SGPP2: variants seen among roughly 807,000 people sequenced by gnomAD.
The protein encoded by SGPP2 is sphingosine 1-phosphate phosphohydrolase 2.
SGPP2 carries 30 observed loss-of-function variants against 33.9 expected under a neutral mutation model. The observed-to-expected ratio is 0.89, with a 90% confidence interval of 0.66 to 1.20. The LOEUF (loss-of-function observed/expected upper bound fraction) is 1.20, where lower values mean the gene tolerates loss of function less well. SGPP2 is among the 50% of genes most tolerant of loss of function. The pLI, the probability that SGPP2 is intolerant of heterozygous loss-of-function variation, is 0.00. For synonymous variants in SGPP2, 233 were observed against 225.0 expected (o/e 1.04, Z -0.32); for missense variants, 458 against 532.1 (o/e 0.86, Z 1.37).
chr2:222,446,336 C>CA, intron 1 of SGPP2, among the ~76,000 whole-genome samples: 1 of 151,758 alleles, frequency 6.6e-6, no homozygotes, highest in Non-Finnish European at 1.5e-5. Flanking sequence ...ACAAAACAAA[C>CA]AACCCAAGAA....
At chr2:222,451,912 C>T (rs972598983) in intron 1 of SGPP2, among the ~76,000 whole-genome samples, 1 of 152,234 alleles carries the variant, frequency 6.6e-6, no homozygotes, top group East Asian at 1.9e-4. Flanking sequence ...ATGTCAGGCA[C>T]TGTCTAAATG....
intron 2 of SGPP2, among the ~76,000 whole-genome samples, chr2:222,485,016 AC>A (rs1366850054): frequency 6.6e-6 from 1 of 152,194 alleles, no homozygotes; most frequent in Non-Finnish European, 1.5e-5. Flanking sequence ...CAAGTACTTT[AC>A]ACTCAAGAAC....
intron 4 of SGPP2, among the ~76,000 whole-genome samples, chr2:222,548,312 T>C (rs1574890846): frequency 6.6e-6 from 1 of 152,248 alleles, no homozygotes; most frequent in Non-Finnish European, 1.5e-5. Flanking sequence ...GAAAACCATC[T>C]TCTGTTAAAA....
intron 2 of SGPP2, among the ~76,000 whole-genome samples, chr2:222,517,822 C>A (rs1346903081): frequency 6.6e-6 from 1 of 152,234 alleles, no homozygotes; most frequent in Admixed American, 6.5e-5. Flanking sequence ...ACGAGCCACA[C>A]CCCTGTTGCA....
rs977545645 is a variant in SGPP2 at position 222,478,462 on chromosome 2, A to G, written c.378+3736A>G. Among the ~76,000 whole-genome samples, 32 of 152,076 alleles carry G rather than the reference A, an allele frequency of 2.1e-4. 1 individual carries two copies. Among genetic ancestry groups the G allele is most frequent in the Non-Finnish European group, 2.1e-4 (14 of 67,998 alleles). Reference sequence around the variant, plus strand: ...GGGTGGTTAAGGGTTAGGTTCTGGTACTTGGGCCAGCCAGGGCAATCAGCT... The same window carrying G: ...GGGTGGTTAAGGGTTAGGTTCTGGTGCTTGGGCCAGCCAGGGCAATCAGCT... On this transcript the variant is annotated intron_variant, in intron 2 of 4. Transcript: ENST00000321276.
intron 2 of SGPP2, among the ~76,000 whole-genome samples, chr2:222,491,554 G>A (rs1175805820): frequency 1.3e-5 from 2 of 152,098 alleles, no homozygotes; most frequent in African/African-American, 4.8e-5. Context: ...ACTATCACGA[G>A]AACAGCATGC....
chr2:222,483,281 G>A (rs1421492934), intron 2 of SGPP2, among the ~76,000 whole-genome samples: 2 of 151,836 alleles, frequency 1.3e-5, no homozygotes, highest in Non-Finnish European at 2.9e-5. Context: ...AGGAAAATGC[G>A]TAATTGCGTG....
chr2:222,470,199 G>A (rs1697817083), intron 1 of SGPP2, among the ~76,000 whole-genome samples: 1 of 152,112 alleles, frequency 6.6e-6, no homozygotes, highest in African/African-American at 2.4e-5. Context: ...GGGTTGATAG[G>A]TGCAGCAAAC....
Position 222,558,965 on chromosome 2 carries a change from C to G in SGPP2, c.*67C>G. On this transcript the variant is annotated 3_prime_UTR_variant, in exon 5 of 5. Transcript: ENST00000321276. ...AAGACATAGGAAAGTTATTGGTAGGCAAATCTTGACAACTTATTTTTCTTT... is the reference window on the plus strand; with the variant it reads ...AAGACATAGGAAAGTTATTGGTAGGGAAATCTTGACAACTTATTTTTCTTT... The G allele has an allele frequency of 6.8e-7, 1 of 1,465,818 alleles. No individual in the cohort carries two copies. Among genetic ancestry groups the G allele is most frequent in the East Asian group, 2.3e-5 (1 of 43,634 alleles). 90.8% of individuals were successfully genotyped at this position (1,465,818 alleles called of 1,614,324 possible).
At chr2:222,468,938 C>T (rs1383872102) in intron 1 of SGPP2, among the ~76,000 whole-genome samples, 2 of 152,018 alleles carry the variant, frequency 1.3e-5, no homozygotes, top group Admixed American at 6.6e-5. Flanking sequence ...AAAGAACTTA[C>T]GACCTGAAAG....
At chr2:222,425,774 A>G (rs1330229605) in intron 1 of SGPP2, among the ~76,000 whole-genome samples, 1 of 152,200 alleles carries the variant, frequency 6.6e-6, no homozygotes, top group Non-Finnish European at 1.5e-5. Flanking sequence ...GGTTTTGGTG[A>G]AAGAAAGGTG....
intron 1 of SGPP2, among the ~76,000 whole-genome samples, chr2:222,439,201 G>T (rs1697288562): frequency 6.6e-6 from 1 of 152,114 alleles, no homozygotes; most frequent in South Asian, 2.1e-4. Context: ...CTGGTGAAAG[G>T]CCAGAGGTCT....
chr2:222,483,280 C>A (rs139736782), intron 2 of SGPP2, among the ~76,000 whole-genome samples: 21 of 151,808 alleles, frequency 1.4e-4, no homozygotes, highest in African/African-American at 4.6e-4. Context: ...AAGGAAAATG[C>A]GTAATTGCGT....
At chr2:222,481,921 T>C (rs1395440601) in intron 2 of SGPP2, among the ~76,000 whole-genome samples, 1 of 152,232 alleles carries the variant, frequency 6.6e-6, no homozygotes, top group African/African-American at 2.4e-5. Flanking sequence ...TTTAAGTAAG[T>C]GTTATTGTAA....
intron 2 of SGPP2, among the ~76,000 whole-genome samples, chr2:222,513,051 TA>T (rs1698554610): frequency 6.6e-6 from 1 of 152,228 alleles, no homozygotes; most frequent in African/African-American, 2.4e-5. Flanking sequence ...GAAACTGCCA[TA>T]CCATCTTCCA....
intron 1 of SGPP2, among the ~76,000 whole-genome samples, chr2:222,448,058 T>C (rs959068181): frequency 6.6e-6 from 1 of 152,170 alleles, no homozygotes; most frequent in Non-Finnish European, 1.5e-5. Context: ...CCAGGTAGTA[T>C]TCGGCAGAAC....
intron 1 of SGPP2, among the ~76,000 whole-genome samples, chr2:222,456,683 G>T (rs999333275): frequency 6.6e-6 from 1 of 152,176 alleles, no homozygotes; most frequent in Non-Finnish European, 1.5e-5. Flanking sequence ...GCATCTTCTG[G>T]GGTAGAATAG....
chr2:222,428,627 G>A (rs1202713504), intron 1 of SGPP2, among the ~76,000 whole-genome samples: 3 of 152,004 alleles, frequency 2.0e-5, no homozygotes, highest in South Asian at 2.1e-4. Context: ...GTTAATCTAC[G>A]AAACCTTGAT....
At chr2:222,510,680 C>T (rs111445596) in intron 2 of SGPP2, among the ~76,000 whole-genome samples, 356 of 152,270 alleles carry the variant, frequency 2.3e-3, no homozygotes, top group African/African-American at 8.1e-3. Flanking sequence ...TCCGTTCATC[C>T]TGCAGAGGAC....
Sources: allele counts gnomAD v4.1 joint callset (sites outside exome capture counted in the v4.1 genomes callset), GRCh38; gene constraint gnomAD v4.1.1; transcripts MANE v1.5; gene names NCBI Gene and HGNC (gene_info 2026-07-23, HGNC 2026-07-21).